Variants in PCDHA9 observed in about 807,000 individuals in gnomAD.
The protein encoded by PCDHA9 is protocadherin alpha 9, also known as protocadherin alpha-9.
PCDHA9 carries 62 observed loss-of-function variants against 62.0 expected under a neutral mutation model. The ratio of observed to expected loss-of-function variants is 1.00; its 90% CI spans 0.81 to 1.23. The LOEUF (loss-of-function observed/expected upper bound fraction) is 1.23. PCDHA9 is among the 50% of genes most tolerant of loss of function. The pLI is 0.00. For missense variants in PCDHA9, 1,205 were observed against 1,249.8 expected (o/e 0.96, Z 0.54); for synonymous variants, 557 against 567.6 (o/e 0.98, Z 0.27).
At chr5:140,960,065 C>G (rs953730101) in intron 1 of PCDHA9, among the ~76,000 whole-genome samples, 1 of 152,120 alleles carries the variant, frequency 6.6e-6, no homozygotes, top group Non-Finnish European at 1.5e-5. Flanking sequence ...ACAGAAGATT[C>G]AATTGAAGTT....
At chr5:140,869,062 T>A (rs370962991) in intron 1 of PCDHA9, 2 of 1,558,588 alleles carry the variant, frequency 1.3e-6, no homozygotes, top group African/African-American at 2.7e-5. Context: ...TCTGGTACTG[T>A]AAGTGTAAAG....
At chr5:140,852,808 C>G in intron 1 of PCDHA9, 1 of 975,820 alleles carries the variant, frequency 1.0e-6, no homozygotes, top group Non-Finnish European at 1.2e-6. Context: ...TCATTTGTCT[C>G]CCGCCCTAAG....
At chr5:140,953,284 T>G (rs2094869714) in intron 1 of PCDHA9, among the ~76,000 whole-genome samples, 1 of 152,160 alleles carries the variant, frequency 6.6e-6, no homozygotes, top group Admixed American at 6.5e-5. Flanking sequence ...TCTTTATATG[T>G]GATTCAGGGA....
intron 1 of PCDHA9, chr5:140,926,866 G>C: frequency 6.6e-7 from 1 of 1,524,204 alleles, no homozygotes; most frequent in Non-Finnish European, 8.8e-7. Flanking sequence ...GTAGCGTGTT[G>C]GTGGAACGTG....
At chr5:140,982,748 G>C (rs2097001127) in intron 3 of PCDHA9, among the ~76,000 whole-genome samples, 185 bp downstream of exon 3, 1 of 151,896 alleles carries the variant, frequency 6.6e-6, no homozygotes, top group African/African-American at 2.4e-5. Flanking sequence ...TGCTCTTCAG[G>C]AGTTGAAAAA....
At chr5:140,886,871 T>C (rs1045804511) in intron 1 of PCDHA9, among the ~76,000 whole-genome samples, 1 of 151,744 alleles carries the variant, frequency 6.6e-6, no homozygotes, top group Non-Finnish European at 1.5e-5. Flanking sequence ...AACTCCTATA[T>C]TGAACATTCA....
intron 2 of PCDHA9, among the ~76,000 whole-genome samples, chr5:140,981,648 C>T (rs1294806137): frequency 6.6e-6 from 1 of 152,020 alleles, no homozygotes; most frequent in Non-Finnish European, 1.5e-5. Context: ...TCTTAGGATC[C>T]CACTTATTTC....
At chr5:140,958,746 G>C (rs946339571) in intron 1 of PCDHA9, among the ~76,000 whole-genome samples, 1 of 152,066 alleles carries the variant, frequency 6.6e-6, no homozygotes, top group African/African-American at 2.4e-5. Flanking sequence ...AGAGAGAAAG[G>C]AGATTTTTAC....
chr5:140,906,271 T>A (rs2072508162), intron 1 of PCDHA9, among the ~76,000 whole-genome samples: 1 of 152,180 alleles, frequency 6.6e-6, no homozygotes, highest in African/African-American at 2.4e-5. Flanking sequence ...AAATTATAGA[T>A]AATCTTCAAA....
chr5:140,876,839 C>G, intron 1 of PCDHA9: 1 of 1,614,116 alleles, frequency 6.2e-7, no homozygotes, highest in Non-Finnish European at 8.5e-7. Flanking sequence ...CCTGCGTTCG[C>G]GCAGCCCGAG....
intron 1 of PCDHA9, chr5:140,859,106 A>G (rs2045724264): frequency 6.7e-6 from 1 of 150,166 alleles, no homozygotes; most frequent in African/African-American, 2.4e-5. Context: ...CACTTAGCAG[A>G]AGAAAATGTA....
chr5:140,948,096 T>C (rs550126735), intron 1 of PCDHA9, among the ~76,000 whole-genome samples: 1 of 151,754 alleles, frequency 6.6e-6, no homozygotes, highest in East Asian at 1.9e-4. Flanking sequence ...TATGAGCATA[T>C]GATTTTTCTT....
intron 1 of PCDHA9, chr5:140,862,144 C>G (rs2047225935): frequency 1.2e-5 from 2 of 162,888 alleles, no homozygotes; most frequent in South Asian, 1.7e-4. Context: ...TTTGAGGAAA[C>G]TAAATAATGA....
chr5:140,901,229 T>C (rs1394148058), intron 1 of PCDHA9, among the ~76,000 whole-genome samples: 1 of 152,166 alleles, frequency 6.6e-6, no homozygotes, highest in African/African-American at 2.4e-5. Context: ...ATCCCATATA[T>C]CCATTTTTTT....
intron 1 of PCDHA9, among the ~76,000 whole-genome samples, chr5:140,974,552 C>A (rs1554236185): frequency 6.6e-6 from 1 of 152,112 alleles, no homozygotes; most frequent in Non-Finnish European, 1.5e-5. Context: ...GCTCTTGTTG[C>A]CCAGGCTGGA....
intron 1 of PCDHA9, chr5:140,928,585 G>C: frequency 2.5e-6 from 4 of 1,614,194 alleles, no homozygotes; most frequent in Non-Finnish European, 3.4e-6. Flanking sequence ...AAATGGTTCT[G>C]TCCCAGTGGA....
intron 1 of PCDHA9, chr5:140,858,307 G>T: frequency 6.3e-7 from 1 of 1,597,292 alleles, no homozygotes; most frequent in Non-Finnish European, 8.6e-7. Flanking sequence ...AGCAGAGGCG[G>T]CAGAGGGTGT....
At chr5:140,978,473 T>C (rs1401475037) in intron 1 of PCDHA9, among the ~76,000 whole-genome samples, 1 of 152,238 alleles carries the variant, frequency 6.6e-6, no homozygotes, top group Non-Finnish European at 1.5e-5. Flanking sequence ...TCAAATATGC[T>C]GCAGTCTGCA....
At chr5:140,875,336 G>C in intron 1 of PCDHA9, 1 of 1,438,564 alleles carries the variant, frequency 7.0e-7, no homozygotes, top group Non-Finnish European at 9.1e-7. Flanking sequence ...GAATAGGATC[G>C]ACTCCATAAT....
Sources: gnomAD v4.1 joint callset for allele counts (sites outside exome capture counted in the v4.1 genomes callset) on GRCh38, gnomAD v4.1.1 for gene constraint, MANE v1.5 for transcripts, NCBI Gene and HGNC (gene_info 2026-07-23, HGNC 2026-07-21) for gene names.